YBX1: variants seen among roughly 807,000 people sequenced by gnomAD.
YBX1 encodes Y-box-binding protein 1.
Under a neutral mutation model 41.4 loss-of-function variants are expected in YBX1, and 3 were observed. The ratio of observed to expected loss-of-function variants is 0.07; its 90% CI spans 0.03 to 0.19. The LOEUF is 0.19. Among genes scored for constraint, YBX1 ranks in the 10% least tolerant of loss-of-function variants. The pLI, the probability that YBX1 is intolerant of heterozygous loss-of-function variation, is 1.00. For synonymous variants in YBX1, 133 were observed against 165.8 expected (o/e 0.80, Z 1.52); for missense variants, 274 against 462.8 (o/e 0.59, Z 3.74).
chr1:42,699,183 ATGT>A (rs1284828434), intron 6 of YBX1, among the ~76,000 whole-genome samples: 3 of 152,096 alleles, frequency 2.0e-5, no homozygotes, highest in Non-Finnish European at 4.4e-5. Context: ...ACAGGTGAAA[ATGT>A]TGACCTTTTG....
intron 2 of YBX1, among the ~76,000 whole-genome samples, chr1:42,684,769 T>C (rs1255584455): frequency 6.6e-6 from 1 of 152,258 alleles, no homozygotes; most frequent in African/African-American, 2.4e-5. Context: ...GGAATGCTTA[T>C]ATATAATTGG....
intron 3 of YBX1, among the ~76,000 whole-genome samples, chr1:42,694,395 ATGTT>A (rs1476813783): frequency 7.5e-6 from 1 of 133,894 alleles, no homozygotes; most frequent in Non-Finnish European, 1.7e-5. Flanking sequence ...AGGAAAAAAT[ATGTT>A]TGTGCTATCA....
In YBX1 at chr1:42,703,201, G is replaced by A. The variant is rs190387992; in HGVS notation, c.*1252G>A. On this transcript the variant is annotated 3_prime_UTR_variant, in exon 8 of 8. Transcript: ENST00000321358. ...AGCCTCCCAAAGTGCTGGGATTACA[G>A]GTGTGAGCCACCGCACCTGGCCTCT... 1.3e-3 allele frequency among the ~76,000 whole-genome samples: 197 copies of A among 152,224 alleles called. 1 individual carries two copies. The highest frequency in any genetic ancestry group is 4.4e-3 in the African/African-American group (184 of 41,540).
At chr1:42,690,595 A>C (rs958041190) in intron 2 of YBX1, among the ~76,000 whole-genome samples, 3 of 152,202 alleles carry the variant, frequency 2.0e-5, no homozygotes, top group Non-Finnish European at 2.9e-5. Flanking sequence ...CAGACTGTGC[A>C]GGTGGCCAAG....
At chr1:42,700,352 A>G (rs938696300) in intron 6 of YBX1, among the ~76,000 whole-genome samples, 1 of 152,246 alleles carries the variant, frequency 6.6e-6, no homozygotes. Flanking sequence ...CTGTAATCCC[A>G]GCACTCTTTG....
chr1:42,691,763 A>C (rs1034314527), intron 2 of YBX1, among the ~76,000 whole-genome samples: 1 of 152,198 alleles, frequency 6.6e-6, no homozygotes, highest in Admixed American at 6.5e-5. Context: ...CAATAAACAA[A>C]TTTACTTTCT....
At position 42,691,792 on chromosome 1, in the gene YBX1, GTCT is replaced by G. The variant is rs200596246; in HGVS notation, c.231-1694_231-1692del. Among the ~76,000 whole-genome samples, 20 of 152,196 alleles carry G rather than the reference GTCT, an allele frequency of 1.3e-4. No individual in the cohort carries two copies. The East Asian group carries it at 3.9e-3, about 29-fold the overall frequency. On this transcript the variant is annotated intron_variant, in intron 2 of 7. Transcript: ENST00000321358. ...ACTTTCTATACCAAATCTTTACATAGTCTTCTAGCAACTAACACCCACCACTTC... is the reference window on the plus strand; with the variant it reads ...ACTTTCTATACCAAATCTTTACATAGTCTAGCAACTAACACCCACCACTTC...
Position 42,696,566 on chromosome 1 carries a change from G to C in YBX1, c.355-76G>C. ...GTTGTTTTTTGCTTTGTTTGAAAAT[G>C]TTCTGATTTCCTTTTGAAAGTGTTG... is the stretch of plus-strand genomic sequence containing the variant. On this transcript the variant is annotated intron_variant, in intron 4 of 7. Transcript: ENST00000321358. The surrounding 1 kb of genome is among the most constrained non-coding windows in gnomAD (Gnocchi z 5.7). 1.5e-6 allele frequency: 1 copy of C among 657,194 alleles called. No individual in the cohort carries two copies. Among genetic ancestry groups the C allele is most frequent in the Non-Finnish European group, 2.1e-6 (1 of 465,864 alleles). The allele number at this position is 657,194 out of a possible 1,614,324, so 40.7% of individuals were successfully genotyped here. A position where few individuals can be genotyped will look rare whatever the true frequency, so the allele number is the denominator to read the frequency against.
chr1:42,701,092 T>G (rs1570426290), intron 7 of YBX1, 46 bp downstream of exon 7: 1 of 1,441,830 alleles, frequency 6.9e-7, no homozygotes, highest in African/African-American at 1.4e-5. Flanking sequence ...TCGTGAGTGG[T>G]GACCATTTCG....
chr1:42,696,420 A>G lies in YBX1; in HGVS notation c.354+132A>G. ...TCATGAACACAGGTGCATCAAGCCT[A>G]ATGTTCTGGCTGCAGTTAGAGGGCA... is the stretch of plus-strand genomic sequence containing the variant. On this transcript the variant is annotated intron_variant, in intron 4 of 7. Coordinates refer to ENST00000321358, the MANE Select transcript of YBX1 (RefSeq NM_004559.5). This position sits in a 1 kb window ranked among gnomAD's most constrained non-coding sequence, Gnocchi z 5.7. 2 of 1,028,874 alleles carry G rather than the reference A, an allele frequency of 1.9e-6. No homozygotes were observed. Among genetic ancestry groups the G allele is most frequent in the South Asian group, 3.4e-5 (2 of 59,446 alleles). 63.7% of individuals were successfully genotyped at this position (1,028,874 alleles called of 1,614,324 possible).
At chr1:42,690,260 T>A (rs1650297548) in intron 2 of YBX1, among the ~76,000 whole-genome samples, 1 of 151,272 alleles carries the variant, frequency 6.6e-6, no homozygotes, top group Non-Finnish European at 1.5e-5. Flanking sequence ...TTTTTTTTTT[T>A]AAGATCTGCA....
In YBX1 at chr1:42,683,507, C is replaced by T. The variant is rs770638913; in HGVS notation, c.230+41C>T. The T allele has an allele frequency of 1.9e-6, 3 of 1,610,580 alleles. No individual in the cohort carries two copies. The African/African-American group carries it at 4.0e-5, about 22-fold the overall frequency. ...CTGAAGCCTCCATCCCACCTTCTTG[C>T]TTGCTTCCTGCTCTGTCGGCTTCTC... On this transcript the variant is annotated intron_variant, in intron 2 of 7. Coordinates refer to ENST00000321358, the MANE Select transcript of YBX1 (RefSeq NM_004559.5).
In YBX1 at chr1:42,702,340, C is replaced by T. The variant is rs931595783; in HGVS notation, c.*391C>T. ...ACTGCAAGCACCTGTTAATAAAGGT[C>T]TTAAATAATTGTCTTTGTGTAAATT... On this transcript the variant is annotated 3_prime_UTR_variant, in exon 8 of 8. Coordinates refer to ENST00000321358, the MANE Select transcript of YBX1 (RefSeq NM_004559.5). 2.0e-5 allele frequency: 3 copies of T among 152,522 alleles called. No homozygotes were observed. The highest frequency in any genetic ancestry group is 4.4e-5 in the Non-Finnish European group (3 of 68,016). The allele number at this position is 152,522 out of a possible 1,614,324, so 9.4% of individuals were successfully genotyped here.
rs527856531 is a variant in YBX1, at chr1:42,687,441, A to G, written c.230+3975A>G. Among the ~76,000 whole-genome samples, 8 of 151,998 alleles carry G rather than the reference A, an allele frequency of 5.3e-5. No individual in the cohort carries two copies. The East Asian group carries it at 1.5e-3, about 29-fold the overall frequency. The stretch of plus-strand genomic sequence containing the variant: ...TGGGATTACAGGCGCCCGCCACCAC[A>G]CAGGCTAATTTTGTATTTTTAGTGG... On this transcript the variant is annotated intron_variant, in intron 2 of 7. Transcript: ENST00000321358.
intron 6 of YBX1, among the ~76,000 whole-genome samples, chr1:42,698,724 G>T (rs1650520812): frequency 6.6e-6 from 1 of 152,086 alleles, no homozygotes; most frequent in South Asian, 2.1e-4. Context: ...TACCCCTCCA[G>T]TGCAGAGGTT....
chr1:42,692,631 C>T (rs892924483), intron 2 of YBX1, among the ~76,000 whole-genome samples: 1 of 152,210 alleles, frequency 6.6e-6, no homozygotes, highest in Non-Finnish European at 1.5e-5. Context: ...CCTTTGTTCC[C>T]TTTGTCATTA....
Position 42,696,629 on chromosome 1 carries a change from A to C in YBX1, c.355-13A>C. On this transcript the variant is annotated splice_polypyrimidine_tract_variant and intron_variant, in intron 4 of 7. Coordinates refer to ENST00000321358, the MANE Select transcript of YBX1 (RefSeq NM_004559.5). The surrounding 1 kb of genome is among the most constrained non-coding windows in gnomAD (Gnocchi z 5.7). The stretch of plus-strand genomic sequence containing the variant: ...TTTCCTTTGTCACTATCAATATGTA[A>C]TGGCTTTTGTAGGGTGCGGAGGCAG... 1 of 1,504,008 alleles carries C rather than the reference A, an allele frequency of 6.6e-7. No individual in the cohort carries two copies. Among genetic ancestry groups the C allele is most frequent in the Non-Finnish European group, 8.9e-7 (1 of 1,120,710 alleles). The allele number at this position is 1,504,008 out of a possible 1,614,324, so 93.2% of individuals were successfully genotyped here.
intron 1 of YBX1, 114 bp from the exon 2 acceptor site, chr1:42,683,289 G>A (rs767388053): frequency 2.0e-5 from 25 of 1,240,450 alleles, no homozygotes; most frequent in African/African-American, 7.4e-5. Context: ...GGAGAGAAAG[G>A]GCTGTCAGGT....
chr1:42,692,719 T>C (rs1384807591), intron 2 of YBX1, among the ~76,000 whole-genome samples: 1 of 152,244 alleles, frequency 6.6e-6, no homozygotes, highest in African/African-American at 2.4e-5. Context: ...ACTGCAGGCC[T>C]GGAAATCCGT....
Sources: gnomAD v4.1 joint callset for allele counts (sites outside exome capture counted in the v4.1 genomes callset) on GRCh38, gnomAD v4.1.1 for gene constraint, Gnocchi (gnomAD v3.1) non-coding constraint, MANE v1.5 for transcripts, NCBI Gene and HGNC (gene_info 2026-07-23, HGNC 2026-07-21) for gene names.